CDH24: variants seen among roughly 807,000 people sequenced by gnomAD.
The protein encoded by CDH24 is cadherin-24.
Under a neutral mutation model 71.2 loss-of-function variants are expected in CDH24, and 61 were observed. That is an observed-to-expected ratio of 0.86 (90% confidence interval 0.70 to 1.06). The LOEUF is 1.06. CDH24 is among the 50% of genes least tolerant of loss of function. The pLI, the probability that CDH24 is intolerant of heterozygous loss-of-function variation, is 0.00. For missense variants in CDH24, 961 were observed against 1,083.7 expected, an observed-to-expected ratio of 0.89 and a Z score of 1.59; for synonymous variants, 440 against 470.2, an observed-to-expected ratio of 0.94 and a Z score of 0.83.
intron 6 of CDH24, 126 bp from the exon 7 acceptor site, chr14:23,053,875 G>A: frequency 2.0e-6 from 2 of 1,000,678 alleles, no homozygotes; most frequent in East Asian, 5.3e-5. Flanking sequence ...GAGGAGAGGT[G>A]GCACTGGAGG....
Position 23,048,084 on chromosome 14 carries a change from C to T in CDH24, c.2242G>A (p.Glu748Lys). ...GSLSSLGSGS[E>K]AGGAPGPAEP... Reference sequence around the variant, plus strand: ...GCGGGGCCGGGGGCGCCGCCGGCTTCGCTGCCGGAGCCCAGGGAGCTGAGG... The same window carrying T: ...GCGGGGCCGGGGGCGCCGCCGGCTTTGCTGCCGGAGCCCAGGGAGCTGAGG... The change falls in exon 12 of 13, where the codon GAA (glutamate) becomes AAA (lysine). Residue 748 changes from glutamate to lysine, a missense_variant. Physicochemically the swap from Glu to Lys is moderately conservative, Grantham distance 56. Transcript: ENST00000487137. 1 of 1,420,314 alleles carries T rather than the reference C, an allele frequency of 7.0e-7. No homozygotes were observed. Among genetic ancestry groups the T allele is most frequent in the African/African-American group, 1.5e-5 (1 of 65,968 alleles). 88.0% of individuals were successfully genotyped at this position (1,420,314 alleles called of 1,614,324 possible).
chr14:23,053,697 T>C lies in CDH24; in HGVS notation c.1025A>G (p.Asn342Ser). 2 of 1,613,468 alleles carry C rather than the reference T, an allele frequency of 1.2e-6. No homozygotes were observed. The highest frequency in any genetic ancestry group is 1.7e-6 in the Non-Finnish European group (2 of 1,179,752). The change falls in exon 7 of 13, where the codon AAC (asparagine) becomes AGC (serine). Residue 342 changes from asparagine (N) to serine (S), a missense_variant. Asn to Ser is a conservative substitution (Grantham distance 46). Coordinates refer to ENST00000487137, the MANE Select transcript of CDH24 (RefSeq NM_144985.4). ...RSYSFRVEAT[N>S]TLIDPAYLRR... ...CAGATAGGCTGGGTCAATGAGCGTG[T>C]TGGTGGCCTCGACACGGAAGGAGTA...
Position 23,051,750 on chromosome 14 carries a change from C to A in CDH24, c.1363+723G>T, listed in dbSNP as rs2047086434. Among the ~76,000 whole-genome samples the A allele has an allele frequency of 2.0e-5, 3 of 152,190 alleles. No homozygotes were observed. On this transcript the variant is annotated intron_variant, in intron 8 of 12. Transcript: ENST00000487137. The surrounding 1 kb of genome is among the most constrained non-coding windows in gnomAD (Gnocchi z 4.4). ...ATTCAGATATCCACATATACAAGGG[C>A]AGTTTTCATATGCAGTATGAAGACA...
chr14:23,053,381 G>C (rs1186960862), intron 7 of CDH24, 115 bp downstream of exon 7: 2 of 1,253,138 alleles, frequency 1.6e-6, no homozygotes, highest in Non-Finnish European at 2.1e-6. Context: ...TGCAGGGAGG[G>C]AGGCTTTTGC....
Position 23,054,336 on chromosome 14 carries a change from T to G in CDH24, c.785-8A>C. 2.5e-6 allele frequency: 4 copies of G among 1,575,158 alleles called. No individual in the cohort carries two copies. The highest frequency in any genetic ancestry group is 3.5e-6 in the Non-Finnish European group (4 of 1,157,028). On this transcript the variant is annotated splice_polypyrimidine_tract_variant and splice_region_variant and intron_variant, in intron 5 of 12. Transcript: ENST00000487137. The surrounding 1 kb of genome is among the most constrained non-coding windows in gnomAD (Gnocchi z 5.2). ...CGGAGAACTGGTATAGGCCTTGGGA[T>G]GACAGAGGGGAGACACCTTCTCAGA...
intron 8 of CDH24, chr14:23,052,244 G>A: frequency 1.4e-6 from 1 of 714,316 alleles, no homozygotes. Flanking sequence ...CCCAGCCTAG[G>A]GGACTAGGAG....
At chr14:23,052,125 G>T in intron 8 of CDH24, 1 of 1,105,584 alleles carries the variant, frequency 9.0e-7, no homozygotes. Context: ...TCAGTACACA[G>T]GTTGGGGGCT....
rs139421170 is a variant in CDH24, at chr14:23,049,392, C to A, written c.1598-117G>T. 9,461 of 1,002,016 alleles carry A rather than the reference C, an allele frequency of 9.4e-3. 183 individuals are homozygous for A. Among genetic ancestry groups the A allele is most frequent in the South Asian group, 0.037 (2,221 of 60,804 alleles). 62.1% of individuals were successfully genotyped at this position (1,002,016 alleles called of 1,614,324 possible). A position where few individuals can be genotyped will look rare whatever the true frequency, so the allele number is the denominator to read the frequency against. On this transcript the variant is annotated intron_variant, in intron 10 of 12. Transcript: ENST00000487137. ...CCCCCCATAGAGCCAGCCCATAGGT[C>A]CAGCCCATAGAGCCAGCTTCCCATA...
At position 23,049,734 on chromosome 14, in the gene CDH24, A is replaced by G. The variant is rs2047070688; in HGVS notation, c.1490T>C (p.Ile497Thr). 1 of 1,611,906 alleles carries G rather than the reference A, an allele frequency of 6.2e-7. No homozygotes were observed. The highest frequency in any genetic ancestry group is 1.3e-5 in the African/African-American group (1 of 74,998). The change falls in exon 10 of 13, where the codon ATT becomes ACT. Residue 497 changes from isoleucine to threonine, a missense_variant. This residue lies in a region of CDH24 where 671 missense variants were observed against 810.9 expected (regional missense o/e 0.83). Coordinates refer to ENST00000487137, the MANE Select transcript of CDH24 (RefSeq NM_144985.4). ...VCDSAAPGQL[I>T]QVIRALDRDE... ...TCTGTCCAGGGCCCGGATGACCTGA[A>G]TCAGCTGGGAGGAAGAAGAGAGAGG...
rs199718070 is a variant in CDH24, at chr14:23,052,578, G to A, written c.1258C>T (p.Arg420Cys). The part of the protein sequence containing the change: ...YSILPHSDPE[R>C]CFSIQPEEGT... Reference sequence around the variant, plus strand: ...TCCTCGGGCTGGATAGAGAAGCAACGCTCCGGATCTGAGTGGGGGAGGATG... The same window carrying A: ...TCCTCGGGCTGGATAGAGAAGCAACACTCCGGATCTGAGTGGGGGAGGATG... The change falls in exon 8 of 13, where the codon CGT becomes TGT. Residue 420 changes from arginine (R) to cysteine (C), a missense_variant. Physicochemically the swap from Arg to Cys is radical, Grantham distance 180. This residue lies in a region of CDH24 where 671 missense variants were observed against 810.9 expected (regional missense o/e 0.83). Transcript: ENST00000487137. The A allele has an allele frequency of 1.7e-5, 28 of 1,614,000 alleles. No individual in the cohort carries two copies. The highest frequency in any genetic ancestry group is 1.7e-4 in the Middle Eastern group (1 of 6,060).
Position 23,049,244 on chromosome 14 carries a change from G to A in CDH24, c.1629C>T (p.Arg543=). The A allele has an allele frequency of 6.3e-7, 1 of 1,577,618 alleles. No homozygotes were observed. Among genetic ancestry groups the A allele is most frequent in the Non-Finnish European group, 8.6e-7 (1 of 1,161,154 alleles). The change falls in exon 11 of 13, where the codon CGC becomes CGT. Residue 543 remains arginine (R), a synonymous_variant. Coordinates refer to ENST00000487137, the MANE Select transcript of CDH24 (RefSeq NM_144985.4). ...DGSASLLLPS[R]PAPPRHAPYL... is the part of the protein sequence containing the mutation. ...AGGGGGCATGGCGGGGTGGAGCAGG[G>A]CGGGAGGGCAGCAGCAGGCTGGCGG... is the stretch of plus-strand genomic sequence containing the variant.
intron 10 of CDH24, 88 bp from the exon 11 acceptor site, chr14:23,049,363 C>T (rs2047067036): frequency 2.3e-6 from 3 of 1,308,600 alleles, no homozygotes; most frequent in Non-Finnish European, 3.1e-6. Flanking sequence ...TCCCATAGAG[C>T]CAGCCCCCCA....
At chr14:23,053,913 C>T (rs1235700054) in intron 6 of CDH24, among the ~76,000 whole-genome samples, 164 bp from the exon 7 acceptor site, 3 of 152,138 alleles carry the variant, frequency 2.0e-5, no homozygotes, top group Non-Finnish European at 4.4e-5. Context: ...TCAGGATGCA[C>T]AGCAGATTAC....
chr14:23,049,352 T>C (rs1224047877), intron 10 of CDH24, 77 bp from the exon 11 acceptor site: 9 of 1,391,164 alleles, frequency 6.5e-6, no homozygotes, highest in Non-Finnish European at 2.9e-6. Flanking sequence ...TAGAGCCAGC[T>C]TCCCATAGAG....
In CDH24 at chr14:23,054,932, G is replaced by A. The variant is rs1441308205; in HGVS notation, c.497-66C>T. The A allele has an allele frequency of 1.9e-5, 31 of 1,604,470 alleles. No individual in the cohort carries two copies. Among genetic ancestry groups the A allele is most frequent in the Non-Finnish European group, 2.6e-5 (30 of 1,175,700 alleles). ...AGGATGGGGAAGAACAACCGATGGG[G>A]GGGGATGCAGATACGAGGGAGGCTG... On this transcript the variant is annotated intron_variant, in intron 3 of 12. Transcript: ENST00000487137. This position sits in a 1 kb window ranked among gnomAD's most constrained non-coding sequence, Gnocchi z 5.2.
In CDH24 at chr14:23,054,900, G is replaced by T; in HGVS notation, c.497-34C>A. On this transcript the variant is annotated intron_variant, in intron 3 of 12. Coordinates refer to ENST00000487137, the MANE Select transcript of CDH24 (RefSeq NM_144985.4). The surrounding 1 kb of genome is among the most constrained non-coding windows in gnomAD (Gnocchi z 5.2). Reference sequence around the variant, plus strand: ...GATGCCAGCACGCCATTCAGCAGCAGCAGGGAAGGATGGGGAAGAACAACC... The same window carrying T: ...GATGCCAGCACGCCATTCAGCAGCATCAGGGAAGGATGGGGAAGAACAACC... 6.2e-7 allele frequency: 1 copy of T among 1,609,102 alleles called. No individual in the cohort carries two copies. Among genetic ancestry groups the T allele is most frequent in the Admixed American group, 1.7e-5 (1 of 59,812 alleles).
chr14:23,048,341 A>T lies in CDH24; in HGVS notation c.1985T>A (p.Ile662Asn), dbSNP rs1407247350. The change falls in exon 12 of 13, where the codon ATC becomes AAC. Residue 662 changes from isoleucine (I) to asparagine (N), a missense_variant. Ile to Asn is a moderately radical substitution (Grantham distance 149, BLOSUM62 -3). This residue lies in a region of CDH24 where 290 missense variants were observed against 272.8 expected (regional missense o/e 1.06). Coordinates refer to ENST00000487137, the MANE Select transcript of CDH24 (RefSeq NM_144985.4). The part of the protein sequence containing the change: ...GGEEDTEAFD[I>N]TALQNPDGAA... ...CCCGTCCGGGTTCTGCAAGGCCGTGATGTCGAAGGCCTCGGTGTCCTCCTC... is the reference window on the plus strand; with the variant it reads ...CCCGTCCGGGTTCTGCAAGGCCGTGTTGTCGAAGGCCTCGGTGTCCTCCTC... 4 of 1,611,442 alleles carry T rather than the reference A, an allele frequency of 2.5e-6. No homozygotes were observed. The highest frequency in any genetic ancestry group is 3.4e-6 in the Non-Finnish European group (4 of 1,179,294).
In CDH24 at chr14:23,054,061, TAGA is replaced by T. The variant is rs1379884792; in HGVS notation, c.972+77_972+79del. ...CAACAGAGAGATCCTGAGTCTGTTCTAGAAGAACAGTTAAATATGTGCCCTGTG... is the reference window on the plus strand; with the variant it reads ...CAACAGAGAGATCCTGAGTCTGTTCTAGAACAGTTAAATATGTGCCCTGTG... On this transcript the variant is annotated intron_variant, in intron 6 of 12. Transcript: ENST00000487137. This position sits in a 1 kb window ranked among gnomAD's most constrained non-coding sequence, Gnocchi z 5.2. 2.1e-6 allele frequency: 3 copies of T among 1,423,394 alleles called. No homozygotes were observed. Among genetic ancestry groups the T allele is most frequent in the East Asian group, 4.6e-5 (2 of 43,244 alleles). 88.2% of individuals were successfully genotyped at this position (1,423,394 alleles called of 1,614,324 possible).
rs765979042 is a variant in CDH24 at position 23,049,857 on chromosome 14, C to G, written c.1450G>C (p.Asp484His). The G allele has an allele frequency of 6.2e-7, 1 of 1,614,006 alleles. No individual in the cohort carries two copies. Among genetic ancestry groups the G allele is most frequent in the Non-Finnish European group, 8.5e-7 (1 of 1,179,980 alleles). ...DNAPQLAEPY[D>H]TFVCDSAAPG... ...GCTGCAGAGTCACACACAAAAGTAT[C>G]GTAGGGCTCAGCCAGCTGGGGAGCA... The change falls in exon 9 of 13, where the codon GAT becomes CAT. Residue 484 changes from aspartate to histidine, a missense_variant. Physicochemically the swap from Asp to His is moderately conservative, Grantham distance 81. Around this residue, in one of 2 missense-constraint regions of CDH24, gnomAD observed 671 missense variants for 810.9 expected, o/e 0.83. Transcript: ENST00000487137.
Sources: gnomAD v4.1 joint callset for allele counts (sites outside exome capture counted in the v4.1 genomes callset) on GRCh38, gnomAD v4.1.1 for gene constraint, gnomAD v4.1.1 regional missense constraint, Gnocchi (gnomAD v3.1) non-coding constraint, MANE v1.5 for transcripts, NCBI Gene and HGNC (gene_info 2026-07-23, HGNC 2026-07-21) for gene names.